The following PCDHGA5 variants were observed in gnomAD, a reference collection of about 807,000 sequenced individuals.
The protein encoded by PCDHGA5 is protocadherin gamma-A5.
A neutral mutation model predicts 56.7 loss-of-function variants in PCDHGA5; 36 were observed. The ratio of observed to expected loss-of-function variants is 0.64; its 90% confidence interval spans 0.49 to 0.84. The LOEUF is 0.84. Ranked by LOEUF, PCDHGA5 falls within the 40% of genes least tolerant of loss-of-function variation. The pLI is 0.00. For synonymous variants in PCDHGA5, 563 were observed against 520.2 expected (o/e 1.08, Z -1.12); for missense variants, 1,305 against 1,201.5 (o/e 1.09, Z -1.27).
rs1345224043 is a variant in PCDHGA5, at chr5:141,487,695, C to G, written c.2422-7112C>G. Reference sequence around the variant, plus strand: ...TGGCTAGGCCATGTCCTAGAGAGTACTGGCCTCTCAGTAAGTGCCCATAGT... The same window carrying G: ...TGGCTAGGCCATGTCCTAGAGAGTAGTGGCCTCTCAGTAAGTGCCCATAGT... On this transcript the variant is annotated intron_variant, in intron 1 of 3. Transcript: ENST00000518069. The surrounding 1 kb of genome is among the most constrained non-coding windows in gnomAD (Gnocchi z 5.0). 1 of 1,601,306 alleles carries G rather than the reference C, an allele frequency of 6.2e-7. No individual in the cohort carries two copies.
Position 141,409,613 on chromosome 5 carries a change from A to T in PCDHGA5, c.2421+42862A>T, listed in dbSNP as rs370495173. 6.6e-5 allele frequency: 107 copies of T among 1,613,738 alleles called. 1 individual carries two copies. The South Asian group carries it at 1.1e-3, about 17-fold the overall frequency. ...CGAGAACAACCCGCCAGGAGCCTCC[A>T]TTGCGCAAGTGAGCGCCTCTGACCC... On this transcript the variant is annotated intron_variant, in intron 1 of 3. Transcript: ENST00000518069.
chr5:141,395,518 C>T (rs1046650715), intron 1 of PCDHGA5: 2 of 412,004 alleles, frequency 4.9e-6, no homozygotes, highest in Admixed American at 4.2e-5. Context: ...AGCTACCCGT[C>T]CATACTGGTA....
intron 1 of PCDHGA5, chr5:141,409,534 C>A (rs774144232): frequency 3.1e-6 from 5 of 1,613,986 alleles, no homozygotes; most frequent in Non-Finnish European, 4.2e-6. Flanking sequence ...ATGTCGCTGA[C>A]ATCAACGACA....
intron 1 of PCDHGA5, among the ~76,000 whole-genome samples, chr5:141,438,705 G>A (rs555160868): frequency 2.0e-4 from 29 of 145,842 alleles, no homozygotes; most frequent in African/African-American, 7.1e-4. Flanking sequence ...CTGTCACCCA[G>A]GCTGGAGTGC....
chr5:141,422,940 C>G, intron 1 of PCDHGA5: 3 of 1,614,242 alleles, frequency 1.9e-6, no homozygotes, highest in Non-Finnish European at 1.7e-6. Context: ...TCCCCACAGA[C>G]GGCTCCACTG....
chr5:141,366,934 G>A, intron 1 of PCDHGA5, 183 bp downstream of exon 1: 1 of 893,774 alleles, frequency 1.1e-6, no homozygotes, highest in Non-Finnish European at 1.6e-6. Flanking sequence ...GTTTTGGGAA[G>A]TCTAGCTGAT....
rs144695545 is a variant in PCDHGA5, at chr5:141,487,156, C to G, written c.2422-7651C>G. ...CACCACTCTCTACCTCTGTTACTCT[C>G]TTAGTGTCCTTAGAGGAAGACACTC... On this transcript the variant is annotated intron_variant, in intron 1 of 3. Transcript: ENST00000518069. This position sits in a 1 kb window ranked among gnomAD's most constrained non-coding sequence, Gnocchi z 5.0. 105 of 1,613,896 alleles carry G rather than the reference C, an allele frequency of 6.5e-5. No homozygotes were observed. In the African/African-American group the frequency reaches 1.2e-3, roughly 18 times the overall value.
chr5:141,459,699 A>G (rs2098973201), intron 1 of PCDHGA5, among the ~76,000 whole-genome samples: 1 of 152,218 alleles, frequency 6.6e-6, no homozygotes, highest in Non-Finnish European at 1.5e-5. Flanking sequence ...TCCGCTTGCT[A>G]CATTTTCTCA....
rs775380177 is a variant in PCDHGA5, at chr5:141,422,666, C to T, written c.2421+55915C>T. The T allele has an allele frequency of 3.1e-6, 5 of 1,608,026 alleles. No individual in the cohort carries two copies. In the South Asian group the frequency reaches 3.3e-5, roughly 11 times the overall value. ...ATCTTCTCAGTGACCGCCCTCGACC[C>T]GGACAGCAAACAGAATGCCCTGGTC... On this transcript the variant is annotated intron_variant, in intron 1 of 3. Transcript: ENST00000518069.
chr5:141,487,162 G>T lies in PCDHGA5; in HGVS notation c.2422-7645G>T, dbSNP rs2099640627. 6.2e-7 allele frequency: 1 copy of T among 1,613,496 alleles called. No individual in the cohort carries two copies. Among genetic ancestry groups the T allele is most frequent in the African/African-American group, 1.3e-5 (1 of 75,026 alleles). On this transcript the variant is annotated intron_variant, in intron 1 of 3. Transcript: ENST00000518069. This position sits in a 1 kb window ranked among gnomAD's most constrained non-coding sequence, Gnocchi z 5.0. ...TCTCTACCTCTGTTACTCTCTTAGTGTCCTTAGAGGAAGACACTCATCCAG... is the reference window on the plus strand; with the variant it reads ...TCTCTACCTCTGTTACTCTCTTAGTTTCCTTAGAGGAAGACACTCATCCAG...
chr5:141,491,861 C>A lies in PCDHGA5; in HGVS notation c.2422-2946C>A. ...GGATCATTGGACCGTTTGCGCGAAA[C>A]CAGAGTGGCCGATTAAGGGATGGGG... On this transcript the variant is annotated intron_variant, in intron 1 of 3. Transcript: ENST00000518069. The surrounding 1 kb of genome is among the most constrained non-coding windows in gnomAD (Gnocchi z 6.9). 6.9e-7 allele frequency: 1 copy of A among 1,455,272 alleles called. No homozygotes were observed. The highest frequency in any genetic ancestry group is 9.1e-7 in the Non-Finnish European group (1 of 1,100,930). The allele number at this position is 1,455,272 out of a possible 1,614,324, so 90.1% of individuals were successfully genotyped here.
At chr5:141,441,820 G>A in intron 1 of PCDHGA5, 1 of 359,390 alleles carries the variant, frequency 2.8e-6, no homozygotes, top group Non-Finnish European at 5.5e-6. Flanking sequence ...CCCAGCTCTG[G>A]AGCGCAATGG....
At position 141,487,547 on chromosome 5, in the gene PCDHGA5, A is replaced by G. The variant is rs2099649592; in HGVS notation, c.2422-7260A>G. On this transcript the variant is annotated intron_variant, in intron 1 of 3. Coordinates refer to ENST00000518069, the MANE Select transcript of PCDHGA5 (RefSeq NM_018918.3). The surrounding 1 kb of genome is among the most constrained non-coding windows in gnomAD (Gnocchi z 5.0). ...TAGCTTCATGATGGTGAAGTCACCC[A>G]GTGCACCTATGGCAGGGGAGCCTGT... 2 of 1,614,216 alleles carry G rather than the reference A, an allele frequency of 1.2e-6. No individual in the cohort carries two copies. Among genetic ancestry groups the G allele is most frequent in the Non-Finnish European group, 8.5e-7 (1 of 1,180,046 alleles).
chr5:141,476,897 A>G lies in PCDHGA5; in HGVS notation c.2422-17910A>G. ...CGTCCTGGAGGATGCACCCTCCGGC[A>G]CGCGCGTGGTACAAGTCCTTGCAAC... On this transcript the variant is annotated intron_variant, in intron 1 of 3. Coordinates refer to ENST00000518069, the MANE Select transcript of PCDHGA5 (RefSeq NM_018918.3). The surrounding 1 kb of genome is among the most constrained non-coding windows in gnomAD (Gnocchi z 7.6). 1 of 1,613,938 alleles carries G rather than the reference A, an allele frequency of 6.2e-7. No individual in the cohort carries two copies. Among genetic ancestry groups the G allele is most frequent in the Non-Finnish European group, 8.5e-7 (1 of 1,180,012 alleles).
Position 141,487,418 on chromosome 5 carries a change from A to T in PCDHGA5, c.2422-7389A>T. ...GGAGGGGCTTCCCCCTTCCAATGGG[A>T]TCCTCCGAATCCAGCTAGGGTCAGA... On this transcript the variant is annotated intron_variant, in intron 1 of 3. Transcript: ENST00000518069. The surrounding 1 kb of genome is among the most constrained non-coding windows in gnomAD (Gnocchi z 5.0). The T allele has an allele frequency of 6.2e-7, 1 of 1,614,060 alleles. No homozygotes were observed. The highest frequency in any genetic ancestry group is 8.5e-7 in the Non-Finnish European group (1 of 1,179,998).
Position 141,415,225 on chromosome 5 carries a change from T to C in PCDHGA5, c.2421+48474T>C, listed in dbSNP as rs189700811. On this transcript the variant is annotated intron_variant, in intron 1 of 3. Transcript: ENST00000518069. ...CCTGGCGGACCTCGGCAGCTTCGAG[T>C]CTCCAGCTAACTCTGAAACCTCAGA... 12,267 of 1,614,024 alleles carry C rather than the reference T, an allele frequency of 7.6e-3. 74 individuals carry two copies. Among genetic ancestry groups the C allele is most frequent in the Non-Finnish European group, 9.2e-3 (10,854 of 1,180,002 alleles).
intron 1 of PCDHGA5, chr5:141,395,335 T>C (rs2093216572): frequency 6.9e-7 from 1 of 1,441,668 alleles, no homozygotes; most frequent in Non-Finnish European, 9.2e-7. Flanking sequence ...GAAAATAATT[T>C]TTAAGGTGTA....
intron 2 of PCDHGA5, 119 bp from the exon 3 acceptor site, chr5:141,505,274 C>T: frequency 6.6e-7 from 1 of 1,524,344 alleles, no homozygotes; most frequent in East Asian, 2.3e-5. Flanking sequence ...CTGAGAGAAA[C>T]AGGTCTTGGG....
chr5:141,374,153 T>TG (rs1373211276), intron 1 of PCDHGA5: 5 of 1,612,056 alleles, frequency 3.1e-6, no homozygotes, highest in African/African-American at 2.7e-5. Flanking sequence ...GGGGACGCTG[T>TG]GGGGGGCCGC....
Sources: gnomAD v4.1 joint callset for allele counts (sites outside exome capture counted in the v4.1 genomes callset) on GRCh38, gnomAD v4.1.1 for gene constraint, Gnocchi (gnomAD v3.1) non-coding constraint, MANE v1.5 for transcripts, NCBI Gene and HGNC (gene_info 2026-07-23, HGNC 2026-07-21) for gene names.